The following SEMA3A variants were observed in gnomAD, a reference collection of about 807,000 sequenced individuals.
The protein encoded by SEMA3A is semaphorin 3A, also known as semaphorin-3A.
In SEMA3A, 29 loss-of-function variants were observed where a neutral mutation model predicts 97.9. The ratio of observed to expected loss-of-function variants is 0.30; its 90% CI spans 0.22 to 0.40. The LOEUF (loss-of-function observed/expected upper bound fraction) is 0.40. Ranked by LOEUF, SEMA3A falls within the 10% of genes least tolerant of loss-of-function variation. The pLI is 1.00. For synonymous variants in SEMA3A, 321 were observed against 323.7 expected (o/e 0.99, Z 0.09); for missense variants, 763 against 951.3 (o/e 0.80, Z 2.60).
At chr7:84,016,758 T>C (rs1306434549) in intron 6 of SEMA3A, among the ~76,000 whole-genome samples, 2 of 152,146 alleles carry the variant, frequency 1.3e-5, no homozygotes, top group Non-Finnish European at 2.9e-5. Flanking sequence ...GCCTAAGACA[T>C]GTGAAACAAA....
At chr7:84,106,640 A>T (rs1452962998) in intron 4 of SEMA3A, among the ~76,000 whole-genome samples, 1 of 152,198 alleles carries the variant, frequency 6.6e-6, no homozygotes. Flanking sequence ...TAAAGGAACC[A>T]TTAATTTCTT....
chr7:84,474,438 TC>T (rs1806228390), intron 1 of SEMA3A, among the ~76,000 whole-genome samples: 1 of 151,496 alleles, frequency 6.6e-6, no homozygotes, highest in South Asian at 2.1e-4. Flanking sequence ...TGAGGACTGC[TC>T]CTTTTTTTTT....
intron 3 of SEMA3A, among the ~76,000 whole-genome samples, chr7:84,275,894 A>G (rs1800281526): frequency 6.6e-6 from 1 of 152,130 alleles, no homozygotes; most frequent in African/African-American, 2.4e-5. Context: ...TTAGTGTGGC[A>G]TATAGATACA....
Position 83,957,558 on chromosome 7 carries a change from C to G in SEMA3A, c.*3813G>C, listed in dbSNP as rs756760974. ...CTGTTTTCCTTGGTTACGTTGATTG[C>G]GAAACTGTCCTTACTATATGGGCTG... On this transcript the variant is annotated 3_prime_UTR_variant, in exon 17 of 17. Coordinates refer to ENST00000265362, the MANE Select transcript of SEMA3A (RefSeq NM_006080.3). 1 of 151,972 alleles carries G rather than the reference C, an allele frequency of 6.6e-6. No homozygotes were observed. The highest frequency in any genetic ancestry group is 6.6e-5 in the Admixed American group (1 of 15,234). The allele number at this position is 151,972 out of a possible 1,614,324, so 9.4% of individuals were successfully genotyped here.
intron 1 of SEMA3A, among the ~76,000 whole-genome samples, chr7:84,388,391 C>G (rs1803455145): frequency 6.6e-6 from 1 of 151,886 alleles, no homozygotes; most frequent in African/African-American, 2.4e-5. Context: ...GTTAATTCCT[C>G]CTGAATGCAT....
intron 5 of SEMA3A, among the ~76,000 whole-genome samples, chr7:84,055,248 G>A (rs1010215609): frequency 5.3e-5 from 8 of 152,328 alleles, no homozygotes; most frequent in East Asian, 3.9e-4. Context: ...GGAGCTTCCA[G>A]GCTGCTTTGT....
chr7:84,123,643 A>C (rs997439474), intron 3 of SEMA3A, among the ~76,000 whole-genome samples: 7 of 149,868 alleles, frequency 4.7e-5, no homozygotes, highest in Non-Finnish European at 8.9e-5. Flanking sequence ...TATAGAAAAA[A>C]TATATAAATA....
chr7:84,279,628 T>A (rs1030379062), intron 3 of SEMA3A, among the ~76,000 whole-genome samples: 8 of 152,058 alleles, frequency 5.3e-5, no homozygotes, highest in Non-Finnish European at 4.4e-5. Flanking sequence ...TATGTGGGAG[T>A]TCGTTTTACT....
rs1202396948 is a variant in SEMA3A at position 84,014,493 on chromosome 7, TATTA to T, written c.668-146_668-143del. Reference sequence around the variant, plus strand: ...TTCGTTTGTTCATTTTGTAGGTACATATTAATTGTTCTTTATGCATTATAAAGTA... The same window carrying T: ...TTCGTTTGTTCATTTTGTAGGTACATATTGTTCTTTATGCATTATAAAGTA... On this transcript the variant is annotated intron_variant, in intron 6 of 16. Coordinates refer to ENST00000265362, the MANE Select transcript of SEMA3A (RefSeq NM_006080.3). 1.4e-5 allele frequency: 9 copies of T among 661,420 alleles called. No homozygotes were observed. In the East Asian group the frequency reaches 2.0e-4, roughly 15 times the overall value. 41.0% of individuals were successfully genotyped at this position (661,420 alleles called of 1,614,324 possible).
At chr7:84,425,267 A>T (rs1325658884) in intron 1 of SEMA3A, among the ~76,000 whole-genome samples, 1 of 123,896 alleles carries the variant, frequency 8.1e-6, no homozygotes, top group Non-Finnish European at 1.6e-5. Context: ...TATAATTTTA[A>T]ATATGTATTT....
At chr7:84,088,535 A>G (rs1006506178) in intron 4 of SEMA3A, among the ~76,000 whole-genome samples, 5 of 152,110 alleles carry the variant, frequency 3.3e-5, no homozygotes, top group Non-Finnish European at 7.4e-5. Context: ...TAAGGGGAAG[A>G]TTCCTGTCTT....
At chr7:84,200,977 G>A (rs986694939) in intron 3 of SEMA3A, among the ~76,000 whole-genome samples, 2 of 151,628 alleles carry the variant, frequency 1.3e-5, no homozygotes, top group African/African-American at 4.8e-5. Context: ...GGGTGTTTCA[G>A]GATATTAACT....
At chr7:83,970,865 T>A (rs1788884982) in intron 15 of SEMA3A, among the ~76,000 whole-genome samples, 1 of 152,172 alleles carries the variant, frequency 6.6e-6, no homozygotes, top group African/African-American at 2.4e-5. Context: ...AAACTCTTGG[T>A]AACACAGAAT....
intron 1 of SEMA3A, among the ~76,000 whole-genome samples, chr7:84,439,805 T>C (rs1805229362): frequency 6.6e-6 from 1 of 152,132 alleles, no homozygotes; most frequent in African/African-American, 2.4e-5. Flanking sequence ...AATAATAAAA[T>C]AGAAACAAGG....
chr7:84,418,744 G>A (rs966400981), intron 1 of SEMA3A, among the ~76,000 whole-genome samples: 4 of 151,960 alleles, frequency 2.6e-5, no homozygotes, highest in African/African-American at 9.7e-5. Context: ...CAGACTGAGG[G>A]CTGCACTGTC....
chr7:84,347,112 TTGGAAAACAAGTCAGCAG>T (rs1440062422), intron 2 of SEMA3A, among the ~76,000 whole-genome samples: 3 of 152,192 alleles, frequency 2.0e-5, no homozygotes. Context: ...TATAACTGCT[TTGGAAAACAAGTCAGCAG>T]TTTCCCATAA....
At chr7:84,341,303 T>A (rs1048478551) in intron 2 of SEMA3A, among the ~76,000 whole-genome samples, 5 of 152,238 alleles carry the variant, frequency 3.3e-5, no homozygotes, top group Non-Finnish European at 7.3e-5. Context: ...GTGTGAAATA[T>A]TGGAGATTTA....
intron 2 of SEMA3A, among the ~76,000 whole-genome samples, chr7:84,133,193 C>T (rs1314932096): frequency 6.6e-6 from 1 of 151,976 alleles, no homozygotes; most frequent in Admixed American, 6.6e-5. Flanking sequence ...AATAGAAATA[C>T]CCGAAGTGAT....
intron 1 of SEMA3A, among the ~76,000 whole-genome samples, chr7:84,415,047 A>T (rs537532016): frequency 6.6e-6 from 1 of 152,224 alleles, no homozygotes; most frequent in African/African-American, 2.4e-5. Flanking sequence ...TCCAAAGATT[A>T]TATGAAGAGT....
Sources: allele counts gnomAD v4.1 joint callset (sites outside exome capture counted in the v4.1 genomes callset), GRCh38; gene constraint gnomAD v4.1.1; transcripts MANE v1.5; gene names NCBI Gene and HGNC (gene_info 2026-07-23, HGNC 2026-07-21).